CCNY: variants seen among roughly 807,000 people sequenced by gnomAD.
CCNY encodes the protein cyclin-Y.
In CCNY, 19 loss-of-function variants were observed where a neutral mutation model predicts 42.8. The ratio of observed to expected loss-of-function variants is 0.44; its 90% CI spans 0.31 to 0.65. CCNY has a LOEUF of 0.65. Among genes scored for constraint, CCNY ranks in the 30% least tolerant of loss-of-function variants. The probability of loss-of-function intolerance (pLI) is 0.07; values close to 1 mark genes in which losing one functional copy is unlikely to be tolerated. For synonymous variants in CCNY, 165 were observed against 162.7 expected (o/e 1.01, Z -0.11); for missense variants, 370 against 437.3 (o/e 0.85, Z 1.37).
chr10:35,347,902 C>T (rs751116444), intron 1 of CCNY, among the ~76,000 whole-genome samples: 9 of 152,148 alleles, frequency 5.9e-5, no homozygotes, highest in Non-Finnish European at 1.0e-4. Context: ...TACAGCTCCT[C>T]GTCTGTGTAT....
At chr10:35,284,818 T>C (rs2135057123) in intron 3 of CCNY, among the ~76,000 whole-genome samples, 1 of 152,262 alleles carries the variant, frequency 6.6e-6, no homozygotes, top group East Asian at 1.9e-4. Context: ...TCTATTTTCA[T>C]TTTCACTCAA....
chr10:35,267,006 T>G (rs1448131732), intron 3 of CCNY, among the ~76,000 whole-genome samples: 3 of 148,214 alleles, frequency 2.0e-5, no homozygotes, highest in Non-Finnish European at 4.4e-5. Context: ...CGCTTGTACC[T>G]GGGAGGCGGA....
chr10:35,305,488 T>C (rs1310986846), intron 3 of CCNY, among the ~76,000 whole-genome samples: 1 of 152,190 alleles, frequency 6.6e-6, no homozygotes, highest in Non-Finnish European at 1.5e-5. Context: ...CATCAGCTGA[T>C]ACTGTGTTCA....
At chr10:35,306,251 T>A (rs377530597) in intron 3 of CCNY, among the ~76,000 whole-genome samples, 36 of 152,252 alleles carry the variant, frequency 2.4e-4, no homozygotes, top group African/African-American at 8.2e-4. Context: ...GCCAGGTTGG[T>A]CTTGAACTCC....
At chr10:35,309,911 C>T (rs1835662401) in intron 3 of CCNY, among the ~76,000 whole-genome samples, 1 of 152,150 alleles carries the variant, frequency 6.6e-6, no homozygotes, top group Non-Finnish European at 1.5e-5. Context: ...CGCCATTCTC[C>T]TGCCTCAGCC....
chr10:35,331,062 G>C (rs1835938143), intron 3 of CCNY, among the ~76,000 whole-genome samples: 1 of 152,188 alleles, frequency 6.6e-6, no homozygotes, highest in Admixed American at 6.6e-5. Context: ...CCTGGCTAGA[G>C]GTAGCCTCTT....
chr10:35,325,743 A>G lies in CCNY; in HGVS notation c.-9+75117A>G, dbSNP rs1019815574. Among the ~76,000 whole-genome samples, 3 of 152,118 alleles carry G rather than the reference A, an allele frequency of 2.0e-5. No individual in the cohort carries two copies. In the East Asian group the frequency reaches 5.8e-4, roughly 29 times the overall value. On this transcript the variant is annotated intron_variant, in intron 3 of 11. Coordinates refer to the CCNY transcript ENST00000374706. ...CTCGGCCTCCCAAAGTGCTGGGATT[A>G]TAAGGGTTGAGTCACTGCGCTTGGC...
At chr10:35,322,706 A>G (rs1835834681) in intron 3 of CCNY, among the ~76,000 whole-genome samples, 1 of 152,242 alleles carries the variant, frequency 6.6e-6, no homozygotes, top group Non-Finnish European at 1.5e-5. Context: ...TTACAAAGAT[A>G]TATTAGTATC....
intron 5 of CCNY, among the ~76,000 whole-genome samples, chr10:35,529,708 C>CA (rs34311829): frequency 0.4 from 57,488 of 144,892 alleles, 12,171 homozygotes; most frequent in African/African-American, 0.59. Flanking sequence ...ACTAAAAATA[C>CA]AAAAAAAAAA....
intron 1 of CCNY, among the ~76,000 whole-genome samples, chr10:35,406,455 CGT>C (rs1837774846): frequency 6.6e-6 from 1 of 151,824 alleles, no homozygotes. Flanking sequence ...TGCCTTCAAG[CGT>C]CTGTTTAACA....
intron 2 of CCNY, among the ~76,000 whole-genome samples, chr10:35,488,967 A>T (rs1309789043): frequency 6.6e-6 from 1 of 152,192 alleles, no homozygotes; most frequent in Non-Finnish European, 1.5e-5. Flanking sequence ...TTATCACACT[A>T]TCATATTCTT....
chr10:35,282,902 G>A (rs1206041648), intron 3 of CCNY, among the ~76,000 whole-genome samples: 2 of 152,070 alleles, frequency 1.3e-5, no homozygotes, highest in African/African-American at 4.8e-5. Flanking sequence ...ACATCTTACG[G>A]TGCCCAAGCT....
chr10:35,271,470 G>C (rs1342850824), intron 3 of CCNY, among the ~76,000 whole-genome samples: 1 of 152,172 alleles, frequency 6.6e-6, no homozygotes, highest in African/African-American at 2.4e-5. Context: ...CTTCTGGCAG[G>C]GGGAAGGGAA....
At chr10:35,460,678 A>G (rs942719533) in intron 1 of CCNY, among the ~76,000 whole-genome samples, 2 of 152,338 alleles carry the variant, frequency 1.3e-5, no homozygotes, top group East Asian at 3.9e-4. Flanking sequence ...CGTGGAACAT[A>G]TTTAATGTGT....
At chr10:35,498,644 C>T (rs1044154091) in intron 2 of CCNY, among the ~76,000 whole-genome samples, 3 of 152,130 alleles carry the variant, frequency 2.0e-5, no homozygotes, top group African/African-American at 4.8e-5. Flanking sequence ...CATGGTCTAA[C>T]GTGGATATCA....
chr10:35,303,570 G>C (rs1835564129), intron 3 of CCNY, among the ~76,000 whole-genome samples: 1 of 150,816 alleles, frequency 6.6e-6, no homozygotes, highest in Non-Finnish European at 1.5e-5. Context: ...CTGAGGTCGG[G>C]AGTTCGAGAC....
In CCNY at chr10:35,569,565, G is replaced by T; in HGVS notation, c.*395G>T. ...CAGAGCTGGCTGCACCCAGGGCTGG[G>T]CCAGTGTGTCCTGTAAGACTTCTTG... On this transcript the variant is annotated 3_prime_UTR_variant, in exon 10 of 10. Coordinates refer to ENST00000374704, the MANE Select transcript of CCNY (RefSeq NM_145012.6). 4.3e-6 allele frequency: 1 copy of T among 234,832 alleles called. No homozygotes were observed. 14.5% of individuals were successfully genotyped at this position (234,832 alleles called of 1,614,324 possible).
At chr10:35,377,506 T>C (rs1359470618) in intron 1 of CCNY, among the ~76,000 whole-genome samples, 1 of 152,196 alleles carries the variant, frequency 6.6e-6, no homozygotes, top group Non-Finnish European at 1.5e-5. Flanking sequence ...TATGACTATC[T>C]AGGTTTGTGT....
chr10:35,490,291 A>G (rs147676313), intron 2 of CCNY, among the ~76,000 whole-genome samples: 10 of 152,350 alleles, frequency 6.6e-5, no homozygotes, highest in East Asian at 1.9e-4. Flanking sequence ...TCAGTCTTAC[A>G]TTATTTTTAA....
Sources: gnomAD v4.1 joint callset for allele counts (sites outside exome capture counted in the v4.1 genomes callset) on GRCh38, gnomAD v4.1.1 for gene constraint, MANE v1.5 for transcripts, NCBI Gene and HGNC (gene_info 2026-07-23, HGNC 2026-07-21) for gene names.